DOCK1: variants seen among roughly 807,000 people sequenced by gnomAD.
The protein encoded by DOCK1 is dedicator of cytokinesis protein 1.
Under a neutral mutation model 262.7 loss-of-function variants are expected in DOCK1, and 138 were observed. The ratio of observed to expected loss-of-function variants is 0.53; its 90% CI spans 0.46 to 0.61. DOCK1 has a LOEUF of 0.61. DOCK1 is among the 20% of genes least tolerant of loss of function. DOCK1 has a pLI of 0.00. For synonymous variants in DOCK1, 866 were observed against 867.4 expected (o/e 1.00, Z 0.03); for missense variants, 1,908 against 2,370.7 (o/e 0.80, Z 4.05).
At chr10:127,268,503 CAAAA>C (rs56689236) in intron 29 of DOCK1, among the ~76,000 whole-genome samples, 1 of 70,156 alleles carries the variant, frequency 1.4e-5, no homozygotes, top group African/African-American at 5.9e-5. Flanking sequence ...GACTCCACCT[CAAAA>C]AAAAAAAAAA....
chr10:126,980,652 GC>G (rs2038896256), intron 3 of DOCK1, among the ~76,000 whole-genome samples: 2 of 150,034 alleles, frequency 1.3e-5, no homozygotes, highest in South Asian at 4.2e-4. Context: ...CCCCCTGCCT[GC>G]CCCCTGCCCA....
At position 127,153,748 on chromosome 10, in the gene DOCK1, T is replaced by C. The variant is rs565634928; in HGVS notation, c.2847+25984T>C. The C allele has an allele frequency of 3.4e-6, 3 of 875,202 alleles. No homozygotes were observed. In the Admixed American group the frequency reaches 6.1e-5, roughly 18 times the overall value. 54.2% of individuals were successfully genotyped at this position (875,202 alleles called of 1,614,324 possible). A position where few individuals can be genotyped will look rare whatever the true frequency, so the allele number is the denominator to read the frequency against. ...CAAGTAAGGTCCTTCACTTTTTGTC[T>C]GATAGAATCATCCCAGCATGGCCCC... On this transcript the variant is annotated intron_variant, in intron 27 of 51. Coordinates refer to ENST00000623213, the MANE Select transcript of DOCK1 (RefSeq NM_001290223.2).
intron 27 of DOCK1, among the ~76,000 whole-genome samples, chr10:127,184,409 A>G (rs2056031640): frequency 1.5e-5 from 2 of 136,002 alleles, no homozygotes; most frequent in East Asian, 4.3e-4. Flanking sequence ...TCTTCCCTTT[A>G]GTTCCACACT....
chr10:127,282,443 A>G (rs951994836), intron 29 of DOCK1, among the ~76,000 whole-genome samples: 2 of 152,224 alleles, frequency 1.3e-5, no homozygotes, highest in African/African-American at 4.8e-5. Context: ...CCTGAGAGAC[A>G]CAGGCAGGAT....
chr10:127,113,259 G>A (rs1002247988), intron 25 of DOCK1, among the ~76,000 whole-genome samples: 1 of 152,122 alleles, frequency 6.6e-6, no homozygotes, highest in African/African-American at 2.4e-5. Flanking sequence ...GGATTTAGCT[G>A]CATGTGCCAC....
At chr10:127,034,656 G>T (rs1318691399) in intron 18 of DOCK1, among the ~76,000 whole-genome samples, 4 of 152,160 alleles carry the variant, frequency 2.6e-5, no homozygotes, top group African/African-American at 9.7e-5. Flanking sequence ...CTCCAGGTGG[G>T]CCACACTTTA....
Position 127,032,329 on chromosome 10 carries a change from G to C in DOCK1, c.1912+9G>C, listed in dbSNP as rs12260237. On this transcript the variant is annotated intron_variant, in intron 18 of 51. Transcript: ENST00000623213. The stretch of plus-strand genomic sequence containing the variant: ...CAAACTGACTCAGAACGGTGCGTTC[G>C]AGAGGAGAAACACACTCACCCCAGG... 3.3e-6 allele frequency: 5 copies of C among 1,508,632 alleles called. No individual in the cohort carries two copies. In the East Asian group the frequency reaches 9.5e-5, roughly 29 times the overall value. The allele number at this position is 1,508,632 out of a possible 1,614,324, so 93.5% of individuals were successfully genotyped here.
chr10:126,956,057 C>T (rs1354131670), intron 1 of DOCK1, among the ~76,000 whole-genome samples: 1 of 152,164 alleles, frequency 6.6e-6, no homozygotes, highest in Non-Finnish European at 1.5e-5. Flanking sequence ...GACTCTCTGC[C>T]ACTGTTCAGT....
At chr10:127,211,929 A>G (rs1017948041) in intron 27 of DOCK1, among the ~76,000 whole-genome samples, 3 of 152,236 alleles carry the variant, frequency 2.0e-5, no homozygotes, top group Non-Finnish European at 2.9e-5. Context: ...AGAGTGCGCC[A>G]ATATTCCAGA....
In DOCK1 at chr10:127,137,815, G is replaced by A. The variant is rs1217694874; in HGVS notation, c.2847+10051G>A. 3 of 1,598,160 alleles carry A rather than the reference G, an allele frequency of 1.9e-6. No individual in the cohort carries two copies. The South Asian group carries it at 3.4e-5, about 18-fold the overall frequency. On this transcript the variant is annotated intron_variant, in intron 27 of 51. Coordinates refer to ENST00000623213, the MANE Select transcript of DOCK1 (RefSeq NM_001290223.2). ...TCCAGTGGGTTCTAAAGACGGCCTC[G>A]AGACTCCAGACACCGTGAGTGTTAA...
At chr10:127,347,387 C>T (rs1294486451) in intron 31 of DOCK1, among the ~76,000 whole-genome samples, 4 of 152,216 alleles carry the variant, frequency 2.6e-5, no homozygotes, top group Admixed American at 2.6e-4. Flanking sequence ...GCCTTGGCAG[C>T]CCGGAGACGG....
chr10:127,318,320 A>T (rs895857885), intron 29 of DOCK1, among the ~76,000 whole-genome samples: 1 of 152,174 alleles, frequency 6.6e-6, no homozygotes, highest in Non-Finnish European at 1.5e-5. Context: ...GGCACACTGG[A>T]CATTGCTTGA....
At chr10:126,987,721 C>T in intron 5 of DOCK1, 104 bp downstream of exon 5, 1 of 1,056,760 alleles carries the variant, frequency 9.5e-7, no homozygotes, top group Non-Finnish European at 1.4e-6. Context: ...AACTTAAAAG[C>T]AGAGCTTCCG....
At chr10:127,334,447 T>C (rs2063111929) in intron 29 of DOCK1, among the ~76,000 whole-genome samples, 2 of 152,214 alleles carry the variant, frequency 1.3e-5, no homozygotes, top group Non-Finnish European at 2.9e-5. Context: ...CCCTTTCTTA[T>C]TGACCTCACA....
rs748726384 is a variant in DOCK1 at position 127,374,224 on chromosome 10, A to G, written c.3675+10A>G. On this transcript the variant is annotated intron_variant, in intron 35 of 51. Coordinates refer to ENST00000623213, the MANE Select transcript of DOCK1 (RefSeq NM_001290223.2). ...CACCGTCAATGTGCTGGTGAGTGAAAGCTTAATCACGTTTTTTCAGTTTTC... is the reference window on the plus strand; with the variant it reads ...CACCGTCAATGTGCTGGTGAGTGAAGGCTTAATCACGTTTTTTCAGTTTTC... 4.8e-5 allele frequency: 77 copies of G among 1,601,050 alleles called. No individual in the cohort carries two copies. The highest frequency in any genetic ancestry group is 6.5e-5 in the Non-Finnish European group (76 of 1,174,160).
chr10:127,182,305 G>A (rs1366723101), intron 27 of DOCK1, among the ~76,000 whole-genome samples: 1 of 151,964 alleles, frequency 6.6e-6, no homozygotes, highest in African/African-American at 2.4e-5. Flanking sequence ...CACTCTTAAC[G>A]AACAAAAAAA....
intron 27 of DOCK1, among the ~76,000 whole-genome samples, chr10:127,231,651 G>T (rs2058846228): frequency 3.9e-5 from 6 of 152,104 alleles, no homozygotes. Context: ...TACTAGAAAT[G>T]ACATCTATAA....
At chr10:127,066,004 A>C (rs1215463605) in intron 23 of DOCK1, among the ~76,000 whole-genome samples, 2 of 151,770 alleles carry the variant, frequency 1.3e-5, no homozygotes, top group African/African-American at 2.4e-5. Flanking sequence ...TTTCCTCACC[A>C]TCTCAGATCT....
intron 29 of DOCK1, among the ~76,000 whole-genome samples, chr10:127,312,689 C>T (rs1309256445): frequency 1.3e-5 from 2 of 152,122 alleles, no homozygotes; most frequent in East Asian, 3.9e-4. Flanking sequence ...ATGCCTGTCC[C>T]TCCTCTATTT....
Sources: allele counts gnomAD v4.1 joint callset (sites outside exome capture counted in the v4.1 genomes callset), GRCh38; gene constraint gnomAD v4.1.1; transcripts MANE v1.5; gene names NCBI Gene and HGNC (gene_info 2026-07-23, HGNC 2026-07-21).